Variants in PTPRJ observed in about 807,000 individuals in gnomAD.
The protein encoded by PTPRJ is protein tyrosine phosphatase receptor type J.
In PTPRJ, 129 loss-of-function variants were observed where a neutral mutation model predicts 141.3. That is an observed-to-expected ratio of 0.91 (90% confidence interval 0.79 to 1.06). The LOEUF (loss-of-function observed/expected upper bound fraction) is 1.06. Among genes scored for constraint, PTPRJ ranks in the 50% least tolerant of loss-of-function variants. The probability of loss-of-function intolerance (pLI) is 0.00; values close to 1 mark genes in which losing one functional copy is unlikely to be tolerated. For synonymous variants in PTPRJ, 610 were observed against 640.5 expected, an observed-to-expected ratio of 0.95 and a Z score of 0.72; for missense variants, 1,601 against 1,679.7, an observed-to-expected ratio of 0.95 and a Z score of 0.82.
intron 1 of PTPRJ, among the ~76,000 whole-genome samples, chr11:48,009,663 G>A (rs953957090): frequency 3.9e-4 from 59 of 152,362 alleles, no homozygotes; most frequent in African/African-American, 1.4e-3. Flanking sequence ...GATATGTGGT[G>A]CACTATAATG....
At chr11:48,033,546 T>C (rs1393744493) in intron 1 of PTPRJ, among the ~76,000 whole-genome samples, 1 of 152,130 alleles carries the variant, frequency 6.6e-6, no homozygotes, top group Non-Finnish European at 1.5e-5. Flanking sequence ...TGACATCTAA[T>C]CTGTATCTGC....
chr11:48,161,726 C>A lies in PTPRJ; in HGVS notation c.3558+1677C>A, dbSNP rs576826300. ...CTCTCGGGTCCAAGTGATTCTCCTG[C>A]CTCAGCCTCCTGAGTAGCTGGGACT... On this transcript the variant is annotated intron_variant, in intron 22 of 24. Coordinates refer to ENST00000418331, the MANE Select transcript of PTPRJ (RefSeq NM_002843.4). Among the ~76,000 whole-genome samples the A allele has an allele frequency of 2.6e-5, 4 of 152,262 alleles. No individual in the cohort carries two copies. The South Asian group carries it at 8.3e-4, about 32-fold the overall frequency.
chr11:48,131,589 G>C (rs1441089048), intron 8 of PTPRJ: 1 of 755,524 alleles, frequency 1.3e-6, no homozygotes, highest in East Asian at 2.5e-5. Context: ...GCCAAATTTG[G>C]CTCATTGTCT....
chr11:48,139,488 C>G lies in PTPRJ; in HGVS notation c.2155C>G (p.Pro719Ala), dbSNP rs574219155. ...EPGRKSFCTDPASMASFDCEV... is the reference protein window; with the variant it reads ...EPGRKSFCTDAASMASFDCEV... ...GCTGTGCTGTACTTGCTTTGCAGAT[C>G]CTGCGTCCATGGCCTCCTTCGACTG... The change falls in exon 11 of 25, where the codon CCT (proline) becomes GCT (alanine). Residue 719 changes from proline to alanine, a missense_variant and splice_region_variant. Pro to Ala is a conservative substitution (Grantham distance 27). Transcript: ENST00000418331. 6.2e-7 allele frequency: 1 copy of G among 1,613,280 alleles called. No individual in the cohort carries two copies. The highest frequency in any genetic ancestry group is 1.1e-5 in the South Asian group (1 of 91,082).
At chr11:47,991,473 G>A (rs1346250735) in intron 1 of PTPRJ, among the ~76,000 whole-genome samples, 1 of 152,124 alleles carries the variant, frequency 6.6e-6, no homozygotes, top group African/African-American at 2.4e-5. Flanking sequence ...TGCGGGAGAC[G>A]GGAGGCTGAG....
Position 48,020,785 on chromosome 11 carries a change from C to T in PTPRJ, c.96+39777C>T, listed in dbSNP as rs80277114. Among the ~76,000 whole-genome samples the T allele has an allele frequency of 4.5e-4, 69 of 152,256 alleles. 1 individual carries two copies. The East Asian group carries it at 0.011, about 25-fold the overall frequency. On this transcript the variant is annotated intron_variant, in intron 1 of 24. Coordinates refer to ENST00000418331, the MANE Select transcript of PTPRJ (RefSeq NM_002843.4). ...CCTACTCTTCCTCCTGCCCCTCCCA[C>T]GTTTGGATGGGCAAATGCACTAAGA...
chr11:47,987,052 C>T (rs904867705), intron 1 of PTPRJ, among the ~76,000 whole-genome samples: 1 of 151,854 alleles, frequency 6.6e-6, no homozygotes, highest in African/African-American at 2.4e-5. Context: ...CTTGTCTATA[C>T]AAAAAATTAG....
chr11:48,094,319 T>G (rs1407270247), intron 1 of PTPRJ, among the ~76,000 whole-genome samples: 1 of 152,188 alleles, frequency 6.6e-6, no homozygotes, highest in Non-Finnish European at 1.5e-5. Flanking sequence ...TGCTGGAGCT[T>G]CTTATTATCT....
In PTPRJ at chr11:48,128,047, A is replaced by G. The variant is rs754895216; in HGVS notation, c.1357+4A>G. ...GGCTTCCTCCAAGTGCACACCCGTG[A>G]GTTCATGCCTGGCTCTCACCACCCT... On this transcript the variant is annotated splice_donor_region_variant and intron_variant, in intron 7 of 24. Transcript: ENST00000418331. The G allele has an allele frequency of 3.0e-5, 48 of 1,607,896 alleles. No homozygotes were observed. Among genetic ancestry groups the G allele is most frequent in the Non-Finnish European group, 3.8e-5 (45 of 1,174,890 alleles).
In PTPRJ at chr11:48,150,115, G is replaced by A; in HGVS notation, c.3070G>A (p.Glu1024Lys). ...TCTTAGATCTAAGTTAATCAGAGTG[G>A]AGAATTTTGAGGCCTACTTCAAGAA... is the stretch of plus-strand genomic sequence containing the variant. The part of the protein sequence containing the change: ...KPKKSKLIRV[E>K]NFEAYFKKQQ... Residue 1024 changes from glutamate to lysine, a missense_variant, in exon 18 of 25, where the codon GAG (glutamate) becomes AAG (lysine). Coordinates refer to ENST00000418331, the MANE Select transcript of PTPRJ (RefSeq NM_002843.4). 6.2e-7 allele frequency: 1 copy of A among 1,613,982 alleles called. No individual in the cohort carries two copies. The highest frequency in any genetic ancestry group is 8.5e-7 in the Non-Finnish European group (1 of 1,179,914).
At chr11:48,036,956 G>A (rs1048451657) in intron 1 of PTPRJ, among the ~76,000 whole-genome samples, 2 of 152,198 alleles carry the variant, frequency 1.3e-5, no homozygotes, top group African/African-American at 4.8e-5. Context: ...AGCAGCACCA[G>A]GTAAGTCAGC....
intron 1 of PTPRJ, among the ~76,000 whole-genome samples, chr11:48,104,765 C>T (rs1217568671): frequency 2.0e-5 from 3 of 152,126 alleles, no homozygotes; most frequent in Admixed American, 1.3e-4. Flanking sequence ...GGGTTTGTGA[C>T]CTGCAGCCCT....
In PTPRJ at chr11:48,163,633, C is replaced by A. The variant is rs754830083; in HGVS notation, c.3719+15C>A. 1.8e-5 allele frequency: 29 copies of A among 1,604,718 alleles called. No homozygotes were observed. The highest frequency in any genetic ancestry group is 2.5e-5 in the Non-Finnish European group (29 of 1,171,642). ...GTGCATTGCAGGTACGCAGATGGCA[C>A]GTCACGTGTGACAGATTTCAAATGT... On this transcript the variant is annotated intron_variant, in intron 23 of 24. Coordinates refer to ENST00000418331, the MANE Select transcript of PTPRJ (RefSeq NM_002843.4).
chr11:48,153,963 A>G (rs944414124), intron 19 of PTPRJ, 77 bp downstream of exon 19: 7 of 1,018,460 alleles, frequency 6.9e-6, no homozygotes, highest in Non-Finnish European at 1.1e-5. Context: ...AGGGGAGGGA[A>G]TCAGTGATCC....
At chr11:48,071,038 ATTATTAC>A in intron 1 of PTPRJ, among the ~76,000 whole-genome samples, 1 of 152,176 alleles carries the variant, frequency 6.6e-6, no homozygotes, top group Non-Finnish European at 1.5e-5. Context: ...GTTAAAGTAT[ATTATTAC>A]TTATTTTCTG....
Position 48,112,802 on chromosome 11 carries a change from C to T in PTPRJ, c.171C>T (p.Gly57=). Residue 57 remains glycine (G), a synonymous_variant, in exon 3 of 25, where the codon GGC becomes GGT. Transcript: ENST00000418331. ...CAACTGTTGCCACAGGGGAAAATGG[C>T]ATAACGCAGATCAGCAGTACAGCAG... ...SVATVATGEN[G]ITQISSTAES... is the part of the protein sequence containing the mutation. 1 of 1,614,196 alleles carries T rather than the reference C, an allele frequency of 6.2e-7. No individual in the cohort carries two copies. Among genetic ancestry groups the T allele is most frequent in the Non-Finnish European group, 8.5e-7 (1 of 1,180,024 alleles).
chr11:47,983,947 T>C (rs2134171014), intron 1 of PTPRJ, among the ~76,000 whole-genome samples: 1 of 152,368 alleles, frequency 6.6e-6, no homozygotes, highest in Middle Eastern at 3.4e-3. Flanking sequence ...CCTGATTCCT[T>C]ACCTGTTCCA....
chr11:48,106,799 C>T (rs1305491945), intron 1 of PTPRJ, among the ~76,000 whole-genome samples: 1 of 123,506 alleles, frequency 8.1e-6, no homozygotes, highest in African/African-American at 3.2e-5. Context: ...GACAGAGTCT[C>T]ACTCTGTTGC....
chr11:48,117,708 A>G (rs1856605713), intron 3 of PTPRJ, among the ~76,000 whole-genome samples: 2 of 152,112 alleles, frequency 1.3e-5, no homozygotes, highest in Admixed American at 1.3e-4. Context: ...CAAATTAGTA[A>G]AAGGAACAAA....
Sources: allele counts gnomAD v4.1 joint callset (sites outside exome capture counted in the v4.1 genomes callset), GRCh38; gene constraint gnomAD v4.1.1; transcripts MANE v1.5; gene names NCBI Gene and HGNC (gene_info 2026-07-23, HGNC 2026-07-21).